PPM1L: variants seen among roughly 807,000 people sequenced by gnomAD.
The protein encoded by PPM1L is protein phosphatase, Mg2+/Mn2+ dependent 1L.
A neutral mutation model predicts 31.4 loss-of-function variants in PPM1L; 13 were observed. The ratio of observed to expected loss-of-function variants is 0.41; its 90% CI spans 0.27 to 0.66. The LOEUF is 0.66. Ranked by LOEUF, PPM1L falls within the 30% of genes least tolerant of loss-of-function variation. The pLI is 0.29. For missense variants in PPM1L, 326 were observed against 453.7 expected (o/e 0.72, Z 2.56); for synonymous variants, 184 against 175.4 (o/e 1.05, Z -0.39).
In PPM1L at chr3:161,073,001, T is replaced by C. The variant is rs1195101479; in HGVS notation, c.*3844T>C. On this transcript the variant is annotated 3_prime_UTR_variant, in exon 4 of 4. Coordinates refer to ENST00000498165, the MANE Select transcript of PPM1L (RefSeq NM_139245.4). Reference sequence around the variant, plus strand: ...ATGACTGTTAGATACTATGCCTGTTTAATTGCCTCTGGATTAAGTCATTGA... The same window carrying C: ...ATGACTGTTAGATACTATGCCTGTTCAATTGCCTCTGGATTAAGTCATTGA... 1 of 152,236 alleles carries C rather than the reference T, an allele frequency of 6.6e-6. No homozygotes were observed. The highest frequency in any genetic ancestry group is 2.4e-5 in the African/African-American group (1 of 41,468). 9.4% of individuals were successfully genotyped at this position (152,236 alleles called of 1,614,324 possible). A position where few individuals can be genotyped will look rare whatever the true frequency, so the allele number is the denominator to read the frequency against.
At chr3:160,843,249 A>G (rs1012408635) in intron 1 of PPM1L, among the ~76,000 whole-genome samples, 2 of 151,518 alleles carry the variant, frequency 1.3e-5, no homozygotes, top group African/African-American at 2.4e-5. Context: ...TCCTATTAGC[A>G]ATAGAAATTG....
In PPM1L at chr3:161,031,502, C is replaced by CTTTTTTTTTTTTTTTTTTTTTT. The variant is rs760907219; in HGVS notation, c.575-33885_575-33884insTTTTTTTTTTTTTTTTTTTTTT. Among the ~76,000 whole-genome samples the CTTTTTTTTTTTTTTTTTTTTTT allele has an allele frequency of 2.7e-4, 27 of 101,666 alleles. 5 individuals are homozygous for CTTTTTTTTTTTTTTTTTTTTTT. The highest frequency in any genetic ancestry group is 5.3e-4 in the African/African-American group (12 of 22,844). The allele number at this position is 101,666 out of a possible 152,430, so 66.7% of individuals were successfully genotyped here. A position where few individuals can be genotyped will look rare whatever the true frequency, so the allele number is the denominator to read the frequency against. On this transcript the variant is annotated intron_variant, in intron 2 of 3. Transcript: ENST00000498165. ...GTGAATGGCAGCTATGTATTCTGTC[C>CTTTTTTTTTTTTTTTTTTTTTT]TTTTTTTTTTTTTTTTGAGAGAGAG...
intron 1 of PPM1L, among the ~76,000 whole-genome samples, chr3:160,807,702 A>AG (rs1473221910): frequency 6.6e-6 from 1 of 151,718 alleles, no homozygotes; most frequent in Non-Finnish European, 1.5e-5. Flanking sequence ...AGGGAGTTTC[A>AG]GGAAAAAAAA....
chr3:160,800,176 G>A (rs1712381308), intron 1 of PPM1L, among the ~76,000 whole-genome samples: 1 of 152,086 alleles, frequency 6.6e-6, no homozygotes. Flanking sequence ...CAATTTAGAG[G>A]TGACCATTTT....
At chr3:160,805,488 G>A (rs1176128110) in intron 1 of PPM1L, among the ~76,000 whole-genome samples, 2 of 152,180 alleles carry the variant, frequency 1.3e-5, no homozygotes, top group African/African-American at 2.4e-5. Flanking sequence ...TTGGGAAGCC[G>A]AGGCAGGTGG....
In PPM1L at chr3:161,011,592, A is replaced by C. The variant is rs961761539; in HGVS notation, c.574+49682A>C. On this transcript the variant is annotated intron_variant, in intron 2 of 3. Transcript: ENST00000498165. The stretch of plus-strand genomic sequence containing the variant: ...GCTTGATGGGGATGGCATTGAATCT[A>C]TAAATTACCTTGGGCAGTATGGCCA... 2.0e-5 allele frequency among the ~76,000 whole-genome samples: 3 copies of C among 151,660 alleles called. No individual in the cohort carries two copies. The South Asian group carries it at 6.3e-4, about 32-fold the overall frequency.
At chr3:160,981,370 A>G (rs563431006) in intron 2 of PPM1L, among the ~76,000 whole-genome samples, 1 of 152,326 alleles carries the variant, frequency 6.6e-6, no homozygotes, top group African/African-American at 2.4e-5. Flanking sequence ...CTTGGCAGAA[A>G]GCTTCATTTC....
intron 2 of PPM1L, among the ~76,000 whole-genome samples, chr3:161,017,113 G>C (rs1309226677): frequency 6.6e-6 from 1 of 152,072 alleles, no homozygotes; most frequent in African/African-American, 2.4e-5. Flanking sequence ...TGTAACTGTG[G>C]ATAGAGATGA....
At chr3:160,809,170 T>A (rs1024421967) in intron 1 of PPM1L, among the ~76,000 whole-genome samples, 28 of 152,226 alleles carry the variant, frequency 1.8e-4, no homozygotes, top group African/African-American at 2.6e-4. Context: ...CAAAATATAT[T>A]TTTTTTTCTT....
intron 2 of PPM1L, among the ~76,000 whole-genome samples, chr3:160,971,400 G>A (rs1029097297): frequency 6.6e-6 from 1 of 152,208 alleles, no homozygotes; most frequent in African/African-American, 2.4e-5. Context: ...ATGCTCAGAT[G>A]ACCACGTGGC....
intron 1 of PPM1L, among the ~76,000 whole-genome samples, chr3:160,786,187 G>GTATATA (rs1190262298): frequency 1.0e-4 from 4 of 39,444 alleles, no homozygotes; most frequent in Non-Finnish European, 1.5e-4. Context: ...GTGTGTGTGT[G>GTATATA]TATATATATA....
At chr3:160,929,146 T>C (rs1714698621) in intron 1 of PPM1L, among the ~76,000 whole-genome samples, 1 of 152,040 alleles carries the variant, frequency 6.6e-6, no homozygotes, top group Non-Finnish European at 1.5e-5. Context: ...ATTCAAGGGG[T>C]CTAACCAGAA....
chr3:160,862,674 A>G (rs78316280), intron 1 of PPM1L, among the ~76,000 whole-genome samples: 6,890 of 143,076 alleles, frequency 0.048, 203 homozygotes, highest in Admixed American at 0.093. Context: ...ACACACACAC[A>G]CACACACACA....
At chr3:160,895,352 A>G (rs1176146612) in intron 1 of PPM1L, among the ~76,000 whole-genome samples, 7 of 151,712 alleles carry the variant, frequency 4.6e-5, no homozygotes, top group Non-Finnish European at 5.9e-5. Flanking sequence ...AGCTGGGACT[A>G]CAGGTGTGCA....
At chr3:160,907,246 G>A (rs1384992591) in intron 1 of PPM1L, among the ~76,000 whole-genome samples, 1 of 152,184 alleles carries the variant, frequency 6.6e-6, no homozygotes, top group Non-Finnish European at 1.5e-5. Context: ...GAGTAGAACA[G>A]TAGCAGGGCT....
chr3:160,804,458 TTA>T (rs1265516533), intron 1 of PPM1L, among the ~76,000 whole-genome samples: 3 of 152,192 alleles, frequency 2.0e-5, no homozygotes, highest in African/African-American at 7.2e-5. Flanking sequence ...GACATGGTAA[TTA>T]TATGTTTTCT....
chr3:160,953,338 A>C (rs1222673489), intron 1 of PPM1L, among the ~76,000 whole-genome samples: 1 of 152,216 alleles, frequency 6.6e-6, no homozygotes, highest in Non-Finnish European at 1.5e-5. Flanking sequence ...AAAATAGATT[A>C]TTTGTTAAAA....
At chr3:161,007,238 G>T (rs142565781) in intron 2 of PPM1L, among the ~76,000 whole-genome samples, 1 of 152,178 alleles carries the variant, frequency 6.6e-6, no homozygotes. Context: ...AAAGATGAGC[G>T]GGGCAAGGAA....
chr3:160,936,658 C>T (rs1325378138), intron 1 of PPM1L, among the ~76,000 whole-genome samples: 2 of 152,124 alleles, frequency 1.3e-5, no homozygotes, highest in Non-Finnish European at 2.9e-5. Flanking sequence ...TGGAAAACAA[C>T]CTTAAATATG....
Sources: allele counts gnomAD v4.1 joint callset (sites outside exome capture counted in the v4.1 genomes callset), GRCh38; gene constraint gnomAD v4.1.1; transcripts MANE v1.5; gene names NCBI Gene and HGNC (gene_info 2026-07-23, HGNC 2026-07-21).